VPS26A: variants seen among roughly 807,000 people sequenced by gnomAD.
VPS26A encodes vacuolar protein sorting-associated protein 26A.
In VPS26A, 22 loss-of-function variants were observed where a neutral mutation model predicts 42.4. That is an observed-to-expected ratio of 0.52 (90% confidence interval 0.37 to 0.74). VPS26A has a LOEUF of 0.74. VPS26A is among the 30% of genes least tolerant of loss of function. The pLI is 0.00. For synonymous variants in VPS26A, 110 were observed against 123.5 expected, an observed-to-expected ratio of 0.89 and a Z score of 0.73; for missense variants, 276 against 379.2, an observed-to-expected ratio of 0.73 and a Z score of 2.26.
chr10:69,159,682 A>G (rs1841509887), intron 5 of VPS26A, among the ~76,000 whole-genome samples: 1 of 152,222 alleles, frequency 6.6e-6, no homozygotes, highest in Admixed American at 6.5e-5. Context: ...AAAGTTATAT[A>G]TCATTCTAAA....
At chr10:69,141,324 T>C (rs1254255425) in intron 2 of VPS26A, among the ~76,000 whole-genome samples, 4 of 152,220 alleles carry the variant, frequency 2.6e-5, no homozygotes, top group Non-Finnish European at 5.9e-5. Context: ...CCTTGTGAGT[T>C]AGCTGAGGGC....
intron 2 of VPS26A, among the ~76,000 whole-genome samples, chr10:69,153,252 G>A (rs1841360484): frequency 6.6e-6 from 1 of 151,914 alleles, no homozygotes; most frequent in Non-Finnish European, 1.5e-5. Context: ...GTTTCACCAT[G>A]TTGGCCAGGC....
chr10:69,140,361 C>T (rs1841015166), intron 2 of VPS26A, among the ~76,000 whole-genome samples: 1 of 151,282 alleles, frequency 6.6e-6, no homozygotes, highest in South Asian at 2.1e-4. Flanking sequence ...GCCACTGCAC[C>T]CGACCTTCTC....
intron 2 of VPS26A, among the ~76,000 whole-genome samples, chr10:69,149,277 A>G (rs1841236256): frequency 6.6e-6 from 1 of 152,186 alleles, no homozygotes; most frequent in Non-Finnish European, 1.5e-5. Context: ...TGAAATAGAT[A>G]CAACTACACT....
chr10:69,126,254 G>A (rs547896625), intron 1 of VPS26A, among the ~76,000 whole-genome samples: 12 of 152,014 alleles, frequency 7.9e-5, no homozygotes, highest in African/African-American at 2.9e-4. Flanking sequence ...TTGAAGTCGG[G>A]AGTTTGAGAC....
At chr10:69,155,558 CA>C (rs1841414890) in intron 2 of VPS26A, among the ~76,000 whole-genome samples, 1 of 152,092 alleles carries the variant, frequency 6.6e-6, no homozygotes, top group South Asian at 2.1e-4. Context: ...TATAGTTCTC[CA>C]CCTATTAAGG....
rs1840820054 is a variant in VPS26A at position 69,132,956 on chromosome 10, G to A, written c.62G>A (p.Gly21Glu). 1.2e-6 allele frequency: 2 copies of A among 1,611,580 alleles called. No individual in the cohort carries two copies. Among genetic ancestry groups the A allele is most frequent in the Non-Finnish European group, 1.7e-6 (2 of 1,179,448 alleles). The change falls in exon 2 of 9, where the codon GGG becomes GAG. Residue 21 changes from glycine (G) to glutamate (E), a missense_variant. Transcript: ENST00000263559. Reference sequence around the variant, plus strand: ...GAGATCGATATTGTTCTTAATGATGGGGAAACCAGGAAAATGGCAGAAATG... The same window carrying A: ...GAGATCGATATTGTTCTTAATGATGAGGAAACCAGGAAAATGGCAGAAATG... ...ICEIDIVLND[G>E]ETRKMAEMKT...
rs534642705 is a variant in VPS26A, at chr10:69,164,337, C to T, written c.659-1705C>T. ...GACTTGAGCAATCCTCCAACCTCAGCGTTGTGGGTAGCTGGGGCCACAGGC... is the reference window on the plus strand; with the variant it reads ...GACTTGAGCAATCCTCCAACCTCAGTGTTGTGGGTAGCTGGGGCCACAGGC... On this transcript the variant is annotated intron_variant, in intron 6 of 8. Coordinates refer to ENST00000263559, the MANE Select transcript of VPS26A (RefSeq NM_004896.5). Among the ~76,000 whole-genome samples the T allele has an allele frequency of 3.9e-4, 60 of 152,060 alleles. No individual in the cohort carries two copies. The South Asian group carries it at 9.7e-3, about 25-fold the overall frequency.
In VPS26A at chr10:69,171,868, T is replaced by C. The variant is rs766795172; in HGVS notation, c.*599T>C. 3 of 152,458 alleles carry C rather than the reference T, an allele frequency of 2.0e-5. No homozygotes were observed. Among genetic ancestry groups the C allele is most frequent in the Non-Finnish European group, 2.9e-5 (2 of 68,048 alleles). 9.4% of individuals were successfully genotyped at this position (152,458 alleles called of 1,614,324 possible). ...GAGTACCATTCCATGGCTTCCAGAA[T>C]TTTATCCTCTTTGAGGTCTTCTGTG... On this transcript the variant is annotated 3_prime_UTR_variant, in exon 9 of 9. Transcript: ENST00000263559.
At chr10:69,146,963 T>C (rs140495029) in intron 2 of VPS26A, among the ~76,000 whole-genome samples, 91 of 152,382 alleles carry the variant, frequency 6.0e-4, no homozygotes, top group Admixed American at 1.2e-3. Flanking sequence ...CTGGGTCATA[T>C]GTTAACTTCC....
chr10:69,137,190 C>G (rs1840932405), intron 2 of VPS26A, among the ~76,000 whole-genome samples: 1 of 152,158 alleles, frequency 6.6e-6, no homozygotes, highest in Admixed American at 6.5e-5. Flanking sequence ...ATGATTTAAA[C>G]ATACTTGATG....
intron 2 of VPS26A, among the ~76,000 whole-genome samples, chr10:69,136,437 G>GT (rs1840912590): frequency 6.6e-6 from 1 of 151,544 alleles, no homozygotes; most frequent in Non-Finnish European, 1.5e-5. Flanking sequence ...GCTAATTTTC[G>GT]TATTTTTATT....
chr10:69,156,475 G>T (rs1377837407), intron 3 of VPS26A, among the ~76,000 whole-genome samples: 2 of 151,954 alleles, frequency 1.3e-5, no homozygotes, highest in Non-Finnish European at 2.9e-5. Context: ...ACATAACTAG[G>T]CTTAAAATCT....
chr10:69,153,962 T>C (rs1358024803), intron 2 of VPS26A, among the ~76,000 whole-genome samples: 1 of 152,142 alleles, frequency 6.6e-6, no homozygotes, highest in African/African-American at 2.4e-5. Flanking sequence ...ATCAGAATCT[T>C]AGAGAAGGGG....
intron 2 of VPS26A, 107 bp downstream of exon 2, chr10:69,133,154 A>T (rs1840824827): frequency 1.7e-6 from 2 of 1,172,824 alleles, no homozygotes; most frequent in Non-Finnish European, 2.3e-6. Context: ...AGGGAGAGAG[A>T]TTTTTTTTTC....
At chr10:69,152,282 A>G (rs762746176) in intron 2 of VPS26A, among the ~76,000 whole-genome samples, 11 of 152,238 alleles carry the variant, frequency 7.2e-5, no homozygotes, top group Non-Finnish European at 1.2e-4. Context: ...TCATTTCAGA[A>G]GTAACTGCTG....
intron 1 of VPS26A, among the ~76,000 whole-genome samples, chr10:69,124,931 G>T (rs4746818): frequency 0.75 from 114,743 of 152,058 alleles, 45,336 homozygotes; most frequent in Non-Finnish European, 0.89. Flanking sequence ...AAGCTATTTC[G>T]CTGAACTTAA....
intron 6 of VPS26A, 34 bp from the exon 7 acceptor site, chr10:69,166,008 A>G (rs556709444): frequency 2.5e-6 from 4 of 1,573,598 alleles, no homozygotes; most frequent in Non-Finnish European, 3.5e-6. Flanking sequence ...ATTCTGGAAT[A>G]TTTAAATTAA....
At chr10:69,165,935 GAC>G in intron 6 of VPS26A, 105 bp from the exon 7 acceptor site, 2 of 1,100,506 alleles carry the variant, frequency 1.8e-6, no homozygotes, top group Non-Finnish European at 2.6e-6. Flanking sequence ...GATGGAGCGA[GAC>G]ACCGTCTCTA....
Sources: allele counts gnomAD v4.1 joint callset (sites outside exome capture counted in the v4.1 genomes callset), GRCh38; gene constraint gnomAD v4.1.1; transcripts MANE v1.5; gene names NCBI Gene and HGNC (gene_info 2026-07-23, HGNC 2026-07-21).